CHRM2: variants seen among roughly 807,000 people sequenced by gnomAD.
CHRM2 encodes the protein cholinergic receptor muscarinic 2, also known as muscarinic acetylcholine receptor M2.
In CHRM2, 8 loss-of-function variants were observed where a neutral mutation model predicts 25.0. That is an observed-to-expected ratio of 0.32 (90% CI 0.19 to 0.58). The LOEUF is 0.58. Among genes scored for constraint, CHRM2 ranks in the 20% least tolerant of loss-of-function variants. The probability of loss-of-function intolerance (pLI) is 0.88; values close to 1 mark genes in which losing one functional copy is unlikely to be tolerated. For synonymous variants in CHRM2, 202 were observed against 205.7 expected (o/e 0.98, Z 0.15); for missense variants, 440 against 567.1 (o/e 0.78, Z 2.28).
chr7:136,892,740 G>GCTCA (rs1796742246), intron 2 of CHRM2, among the ~76,000 whole-genome samples: 1 of 150,378 alleles, frequency 6.6e-6, no homozygotes. Flanking sequence ...CACAATCACA[G>GCTCA]CTCACTGCAA....
intron 2 of CHRM2, among the ~76,000 whole-genome samples, chr7:136,923,526 G>A (rs1019528698): frequency 2.0e-5 from 3 of 151,978 alleles, no homozygotes; most frequent in African/African-American, 7.2e-5. Flanking sequence ...ACAGAGAGTT[G>A]AGTAGCTTCT....
intron 2 of CHRM2, among the ~76,000 whole-genome samples, chr7:136,936,756 A>G (rs937971938): frequency 6.6e-6 from 1 of 152,188 alleles, no homozygotes; most frequent in African/African-American, 2.4e-5. Context: ...AACAAAATCA[A>G]TTATAATTTT....
At chr7:136,965,854 G>C (rs576257107) in intron 2 of CHRM2, among the ~76,000 whole-genome samples, 52 of 151,992 alleles carry the variant, frequency 3.4e-4, no homozygotes, top group African/African-American at 1.2e-3. Context: ...AATTAGAATA[G>C]TATTTGGAAG....
chr7:136,891,007 G>T (rs1003203663), intron 2 of CHRM2, among the ~76,000 whole-genome samples: 2 of 152,076 alleles, frequency 1.3e-5, no homozygotes, highest in African/African-American at 4.8e-5. Context: ...GCTAAGTTCA[G>T]AAACTTTGCA....
chr7:136,945,509 GT>G (rs1800023794), intron 2 of CHRM2, among the ~76,000 whole-genome samples: 1 of 152,090 alleles, frequency 6.6e-6, no homozygotes, highest in South Asian at 2.1e-4. Context: ...CTTTGTTTGT[GT>G]TTGCTTTCTT....
chr7:136,963,793 TA>T (rs545111385), intron 2 of CHRM2, among the ~76,000 whole-genome samples: 4,348 of 149,230 alleles, frequency 0.029, 111 homozygotes, highest in Non-Finnish European at 0.039. Context: ...TTGCATTAAT[TA>T]AAAAAAAAAA....
At chr7:136,935,212 T>C (rs35246768) in intron 2 of CHRM2, among the ~76,000 whole-genome samples, 96,902 of 151,556 alleles carry the variant, frequency 0.64, 31,474 homozygotes, top group African/African-American at 0.68. Flanking sequence ...GTACTCCTGT[T>C]CAGGGGGGTA....
At chr7:136,954,146 G>A (rs1424988543) in intron 2 of CHRM2, among the ~76,000 whole-genome samples, 2 of 152,102 alleles carry the variant, frequency 1.3e-5, no homozygotes, top group African/African-American at 2.4e-5. Context: ...AATGATCCAA[G>A]GCCATCTAGA....
chr7:136,876,633 A>T (rs1796062730), intron 2 of CHRM2, among the ~76,000 whole-genome samples: 1 of 152,136 alleles, frequency 6.6e-6, no homozygotes, highest in Non-Finnish European at 1.5e-5. Flanking sequence ...AATGAGTAAC[A>T]GCAACAATAA....
chr7:137,010,835 T>C (rs1175534251), intron 3 of CHRM2, among the ~76,000 whole-genome samples: 2 of 151,900 alleles, frequency 1.3e-5, no homozygotes, highest in Non-Finnish European at 1.5e-5. Context: ...AACCTCTGAG[T>C]GTAGTTCATC....
At chr7:136,937,452 A>G (rs1484868386) in intron 2 of CHRM2, among the ~76,000 whole-genome samples, 1 of 151,942 alleles carries the variant, frequency 6.6e-6, no homozygotes, top group Non-Finnish European at 1.5e-5. Flanking sequence ...ATGTAGATTC[A>G]GTATATTATA....
rs1163155632 is a variant in CHRM2, at chr7:137,016,304, C to A, written c.*38C>A. 6 of 1,587,660 alleles carry A rather than the reference C, an allele frequency of 3.8e-6. No homozygotes were observed. Among genetic ancestry groups the A allele is most frequent in the South Asian group, 1.1e-5 (1 of 90,350 alleles). On this transcript the variant is annotated 3_prime_UTR_variant, in exon 4 of 4. Coordinates refer to ENST00000680005, the MANE Select transcript of CHRM2 (RefSeq NM_001006630.2). ...AAAGATAGAAGGTGGGCAAGGGGAGCTTGAGAAGAATAAAAGGGATAAACG... is the reference window on the plus strand; with the variant it reads ...AAAGATAGAAGGTGGGCAAGGGGAGATTGAGAAGAATAAAAGGGATAAACG...
intron 2 of CHRM2, among the ~76,000 whole-genome samples, chr7:136,968,743 T>G (rs184157071): frequency 2.7e-5 from 4 of 146,638 alleles, no homozygotes; most frequent in African/African-American, 9.9e-5. Context: ...TATATATATA[T>G]ACAGACAATA....
intron 2 of CHRM2, among the ~76,000 whole-genome samples, chr7:136,984,978 C>T (rs1802747864): frequency 6.6e-6 from 1 of 152,022 alleles, no homozygotes; most frequent in Non-Finnish European, 1.5e-5. Context: ...TAAGAGTTCT[C>T]CCAGACTTAT....
chr7:136,897,812 T>C (rs1796986698), intron 2 of CHRM2, among the ~76,000 whole-genome samples: 1 of 152,172 alleles, frequency 6.6e-6, no homozygotes, highest in African/African-American at 2.4e-5. Flanking sequence ...TTCTTTTCAT[T>C]TTTTGTTCAT....
chr7:136,977,193 A>G (rs1290275013), intron 2 of CHRM2, among the ~76,000 whole-genome samples: 2 of 152,092 alleles, frequency 1.3e-5, no homozygotes, highest in African/African-American at 4.8e-5. Context: ...TTCCTTACCC[A>G]CATGATTAAG....
intron 2 of CHRM2, chr7:136,951,184 C>A (rs764432563): frequency 6.6e-6 from 1 of 152,036 alleles, no homozygotes; most frequent in African/African-American, 2.4e-5. Context: ...ATATCCAGCT[C>A]GAATGGTTCT....
intron 2 of CHRM2, among the ~76,000 whole-genome samples, chr7:136,939,695 A>C (rs948655419): frequency 1.3e-5 from 2 of 152,224 alleles, no homozygotes; most frequent in African/African-American, 4.8e-5. Flanking sequence ...GAAGAGACAG[A>C]GCTTTATGAA....
At chr7:136,982,259 A>G (rs1802539668) in intron 2 of CHRM2, among the ~76,000 whole-genome samples, 1 of 152,048 alleles carries the variant, frequency 6.6e-6, no homozygotes, top group African/African-American at 2.4e-5. Context: ...AGAGACTAGG[A>G]TTGCAACCCC....
Sources: allele counts gnomAD v4.1 joint callset (sites outside exome capture counted in the v4.1 genomes callset), GRCh38; gene constraint gnomAD v4.1.1; transcripts MANE v1.5; gene names NCBI Gene and HGNC (gene_info 2026-07-23, HGNC 2026-07-21).